The following GYS2 variants were observed in gnomAD, a reference collection of about 807,000 sequenced individuals.
GYS2 encodes the protein glycogen [starch] synthase, liver.
A neutral mutation model predicts 85.6 loss-of-function variants in GYS2; 80 were observed. That is an observed-to-expected ratio of 0.93 (90% CI 0.78 to 1.13). GYS2 has a LOEUF of 1.13. Ranked by LOEUF, GYS2 falls within the 50% of genes most tolerant of loss-of-function variation. GYS2 has a pLI of 0.00. For synonymous variants in GYS2, 328 were observed against 300.7 expected (o/e 1.09, Z -0.94); for missense variants, 881 against 854.9 (o/e 1.03, Z -0.38).
intron 4 of GYS2, among the ~76,000 whole-genome samples, chr12:21,573,726 G>GA (rs1039274559): frequency 2.6e-5 from 4 of 152,180 alleles, no homozygotes; most frequent in Non-Finnish European, 5.9e-5. Flanking sequence ...AGAAGAAATA[G>GA]AGGAAGTAAG....
At position 21,571,700 on chromosome 12, in the gene GYS2, C is replaced by T. The variant is rs146831207; in HGVS notation, c.678+2444G>A. Reference sequence around the variant, plus strand: ...AAAAAAGGCCGGGAGTGGTGGCTCACGCCTGTAATCCCAGCACTTTGGGAG... The same window carrying T: ...AAAAAAGGCCGGGAGTGGTGGCTCATGCCTGTAATCCCAGCACTTTGGGAG... On this transcript the variant is annotated intron_variant, in intron 4 of 15. Transcript: ENST00000261195. Among the ~76,000 whole-genome samples, 290 of 152,220 alleles carry T rather than the reference C, an allele frequency of 1.9e-3. 8 individuals carry two copies. The East Asian group carries it at 0.047, about 25-fold the overall frequency.
At chr12:21,571,407 C>T (rs537734292) in intron 4 of GYS2, among the ~76,000 whole-genome samples, 2 of 152,294 alleles carry the variant, frequency 1.3e-5, no homozygotes, top group African/African-American at 4.8e-5. Flanking sequence ...TACTTTCTTG[C>T]ATTTTAATAT....
At chr12:21,591,330 A>G (rs1001452342) in intron 1 of GYS2, among the ~76,000 whole-genome samples, 2 of 152,118 alleles carry the variant, frequency 1.3e-5, no homozygotes, top group Non-Finnish European at 2.9e-5. Context: ...CTGTAACTGA[A>G]GAGTTTATTG....
intron 5 of GYS2, among the ~76,000 whole-genome samples, chr12:21,567,901 C>A (rs572041175): frequency 6.6e-6 from 1 of 151,888 alleles, no homozygotes; most frequent in Non-Finnish European, 1.5e-5. Flanking sequence ...AGTGAAACCC[C>A]GTCTCTACTA....
At chr12:21,545,003 C>G (rs768815521) in intron 12 of GYS2, among the ~76,000 whole-genome samples, 7 of 152,178 alleles carry the variant, frequency 4.6e-5, no homozygotes, top group Non-Finnish European at 8.8e-5. Flanking sequence ...AATTCTTCCT[C>G]TTCATAATTC....
intron 15 of GYS2, among the ~76,000 whole-genome samples, chr12:21,537,861 A>G (rs372089520): frequency 2.0e-5 from 3 of 152,190 alleles, no homozygotes; most frequent in African/African-American, 7.2e-5. Context: ...ATGAAAAAAC[A>G]TGATTGGAGT....
rs886049155 is a variant in GYS2 at position 21,539,328 on chromosome 12, T to C, written c.1820A>G (p.His607Arg). The change falls in exon 15 of 16, where the codon CAT (histidine) becomes CGT (arginine). Residue 607 changes from histidine (H) to arginine (R), a missense_variant. Transcript: ENST00000261195. Reference sequence around the variant, plus strand: ...TCTGCTTAATGTCAGGTGTCTGGCATGCTGGTAATACTATTGATAGAAAGC... The same window carrying C: ...TCTGCTTAATGTCAGGTGTCTGGCACGCTGGTAATACTATTGATAGAAAGC... The part of the protein sequence containing the change: ...DWRYLGRYYQ[H>R]ARHLTLSRAF... 3 of 1,597,784 alleles carry C rather than the reference T, an allele frequency of 1.9e-6. No individual in the cohort carries two copies. Among genetic ancestry groups the C allele is most frequent in the Non-Finnish European group, 2.6e-6 (3 of 1,165,234 alleles).
chr12:21,584,351 A>G (rs1309484501), intron 1 of GYS2, among the ~76,000 whole-genome samples: 1 of 141,552 alleles, frequency 7.1e-6, no homozygotes, highest in Non-Finnish European at 1.6e-5. Flanking sequence ...CAAAAACTAC[A>G]AAGATATTTT....
chr12:21,585,450 C>T (rs945450947), intron 1 of GYS2, among the ~76,000 whole-genome samples: 2 of 151,506 alleles, frequency 1.3e-5, no homozygotes, highest in African/African-American at 4.9e-5. Context: ...TATAGGAGAT[C>T]CATTAGGGTG....
intron 1 of GYS2, among the ~76,000 whole-genome samples, chr12:21,587,967 A>G (rs1344687449): frequency 6.6e-6 from 1 of 152,194 alleles, no homozygotes; most frequent in African/African-American, 2.4e-5. Context: ...AAGGGGAGGA[A>G]GACCTCCAGT....
At chr12:21,565,814 C>CAATGTA (rs1944313985) in intron 5 of GYS2, among the ~76,000 whole-genome samples, 1 of 14,542 alleles carries the variant, frequency 6.9e-5, no homozygotes, top group Non-Finnish European at 2.5e-4. Context: ...AAGTAGAAGA[C>CAATGTA]AATGTTACCC....
In GYS2 at chr12:21,555,984, G is replaced by A. The variant is rs1323823880; in HGVS notation, c.1422+2216C>T. ...GCATGGAACATTTTATAAACTGCTT[G>A]TGTTACTTAATGCTGTATCATGAGG... is the stretch of plus-strand genomic sequence containing the variant. On this transcript the variant is annotated intron_variant, in intron 11 of 15. Transcript: ENST00000261195. Among the ~76,000 whole-genome samples, 5 of 152,160 alleles carry A rather than the reference G, an allele frequency of 3.3e-5. No homozygotes were observed. In the East Asian group the frequency reaches 9.6e-4, roughly 29 times the overall value.
chr12:21,545,185 A>G (rs1247654065), intron 12 of GYS2, among the ~76,000 whole-genome samples: 4 of 152,190 alleles, frequency 2.6e-5, no homozygotes, highest in African/African-American at 9.6e-5. Flanking sequence ...GCTCACGTCT[A>G]TAATCCCACC....
downstream of GYS2, chr12:21,535,232 G>T (rs1273012690): frequency 2.0e-5 from 3 of 149,220 alleles, no homozygotes; most frequent in African/African-American, 5.0e-5. Flanking sequence ...GTGTAGGCAT[G>T]TTTTCAATAA....
intron 7 of GYS2, 50 bp from the exon 8 acceptor site, chr12:21,560,542 A>G: frequency 1.1e-6 from 1 of 871,192 alleles, no homozygotes; most frequent in East Asian, 2.4e-5. Context: ...ATTTTTAAAA[A>G]GTATGATAGA....
intron 5 of GYS2, among the ~76,000 whole-genome samples, chr12:21,565,604 ATTAAT>A (rs1285783704): frequency 2.7e-5 from 4 of 150,358 alleles, no homozygotes; most frequent in Admixed American, 6.7e-5. Flanking sequence ...AATTAATTTG[ATTAAT>A]TTAATTTAAT....
At chr12:21,568,588 C>T (rs1214722600) in intron 5 of GYS2, among the ~76,000 whole-genome samples, 4 of 152,126 alleles carry the variant, frequency 2.6e-5, no homozygotes, top group African/African-American at 4.8e-5. Context: ...TTACACATAC[C>T]GACTCATTAT....
intron 11 of GYS2, among the ~76,000 whole-genome samples, chr12:21,552,766 C>G (rs1944128720): frequency 6.6e-6 from 1 of 152,156 alleles, no homozygotes; most frequent in South Asian, 2.1e-4. Flanking sequence ...GTGCCTTCTC[C>G]TCTACTTTTT....
At chr12:21,541,923 G>A (rs1429716973) in intron 13 of GYS2, among the ~76,000 whole-genome samples, 1 of 151,958 alleles carries the variant, frequency 6.6e-6, no homozygotes, top group Non-Finnish European at 1.5e-5. Context: ...TGTATTCAAT[G>A]TTTAGCTCCC....
Sources: gnomAD v4.1 joint callset for allele counts (sites outside exome capture counted in the v4.1 genomes callset) on GRCh38, gnomAD v4.1.1 for gene constraint, MANE v1.5 for transcripts, NCBI Gene and HGNC (gene_info 2026-07-23, HGNC 2026-07-21) for gene names.